THSD7B: variants seen among roughly 807,000 people sequenced by gnomAD.
THSD7B encodes the protein thrombospondin type 1 domain containing 7B, also known as thrombospondin type-1 domain-containing protein 7B.
A neutral mutation model predicts 213.6 loss-of-function variants in THSD7B; 138 were observed. The ratio of observed to expected loss-of-function variants is 0.65; its 90% CI spans 0.56 to 0.74. The LOEUF (loss-of-function observed/expected upper bound fraction) is 0.74. Ranked by LOEUF, THSD7B falls within the 30% of genes least tolerant of loss-of-function variation. The probability of loss-of-function intolerance (pLI) is 0.00; values close to 1 mark genes in which losing one functional copy is unlikely to be tolerated. For missense variants in THSD7B, 1,931 were observed against 1,991.5 expected (o/e 0.97, Z 0.58); for synonymous variants, 742 against 687.0 (o/e 1.08, Z -1.25).
At chr2:137,580,724 A>G (rs1013765356) in intron 17 of THSD7B, among the ~76,000 whole-genome samples, 3 of 152,240 alleles carry the variant, frequency 2.0e-5, no homozygotes, top group Admixed American at 6.5e-5. Context: ...TACAGGAAGC[A>G]TGGTTTCTGG....
At chr2:137,117,034 G>GTGTA (rs1347015451) in intron 5 of THSD7B, among the ~76,000 whole-genome samples, 1 of 152,178 alleles carries the variant, frequency 6.6e-6, no homozygotes, top group Non-Finnish European at 1.5e-5. Flanking sequence ...ATACATAGAT[G>GTGTA]TGTAACACGA....
At chr2:137,145,150 C>T (rs956440800) in intron 5 of THSD7B, among the ~76,000 whole-genome samples, 1 of 151,964 alleles carries the variant, frequency 6.6e-6, no homozygotes, top group Admixed American at 6.6e-5. Context: ...GGAGAAGCTT[C>T]TTTTTTCCAA....
intron 12 of THSD7B, among the ~76,000 whole-genome samples, chr2:137,289,055 A>C (rs1286996841): frequency 1.6e-5 from 2 of 122,794 alleles, no homozygotes; most frequent in Non-Finnish European, 3.6e-5. Flanking sequence ...ATTTTTTGAT[A>C]CTTTTTTACC....
chr2:137,147,748 T>C (rs868761058), intron 5 of THSD7B, among the ~76,000 whole-genome samples: 13 of 152,178 alleles, frequency 8.5e-5, no homozygotes, highest in African/African-American at 2.9e-4. Flanking sequence ...AAAGGGCATC[T>C]TGTGACCAGA....
At chr2:137,237,524 A>G (rs1325822127) in intron 9 of THSD7B, among the ~76,000 whole-genome samples, 3 of 152,202 alleles carry the variant, frequency 2.0e-5, no homozygotes, top group Non-Finnish European at 1.5e-5. Context: ...CACGATACAA[A>G]ATGGAATTCT....
chr2:136,973,563 T>C (rs1047931936), intron 2 of THSD7B, among the ~76,000 whole-genome samples: 2 of 152,238 alleles, frequency 1.3e-5, no homozygotes, highest in Non-Finnish European at 2.9e-5. Context: ...TCTGAGTCTT[T>C]AATATATTCT....
At chr2:136,956,673 T>G (rs906158255) in intron 2 of THSD7B, among the ~76,000 whole-genome samples, 2 of 149,498 alleles carry the variant, frequency 1.3e-5, no homozygotes, top group Non-Finnish European at 1.5e-5. Context: ...TTACTTTAAT[T>G]TTTTTTCTTT....
At chr2:137,625,855 G>A (rs1573751142) in intron 20 of THSD7B, among the ~76,000 whole-genome samples, 2 of 152,244 alleles carry the variant, frequency 1.3e-5, no homozygotes, top group South Asian at 4.1e-4. Context: ...TTCTGTCTGA[G>A]TCCCAAGCTT....
chr2:136,958,445 G>C (rs1685162403), intron 2 of THSD7B, among the ~76,000 whole-genome samples: 1 of 152,148 alleles, frequency 6.6e-6, no homozygotes, highest in African/African-American at 2.4e-5. Flanking sequence ...GTTTAATCCA[G>C]ATATAAAACC....
chr2:136,837,330 C>G (rs1202476859), intron 1 of THSD7B, among the ~76,000 whole-genome samples: 3 of 152,198 alleles, frequency 2.0e-5, no homozygotes, highest in South Asian at 2.1e-4. Context: ...CTCATTCACT[C>G]TGCTCTAGCC....
chr2:137,465,032 A>G (rs1687964835), intron 15 of THSD7B, among the ~76,000 whole-genome samples: 1 of 151,968 alleles, frequency 6.6e-6, no homozygotes, highest in Non-Finnish European at 1.5e-5. Context: ...AGCCCAAAGC[A>G]TGTTCCAATT....
intron 7 of THSD7B, among the ~76,000 whole-genome samples, chr2:137,174,066 C>G (rs909005509): frequency 3.3e-5 from 5 of 152,100 alleles, no homozygotes; most frequent in African/African-American, 1.2e-4. Context: ...AAAAGAAATA[C>G]TTTATTTTTG....
chr2:137,243,172 T>C (rs1435173724), intron 10 of THSD7B, among the ~76,000 whole-genome samples: 2 of 152,188 alleles, frequency 1.3e-5, no homozygotes, highest in Non-Finnish European at 2.9e-5. Context: ...GAGTATATGC[T>C]AAAGTGATCC....
At chr2:137,643,358 A>G (rs1034439897) in intron 21 of THSD7B, among the ~76,000 whole-genome samples, 2 of 152,198 alleles carry the variant, frequency 1.3e-5, no homozygotes, top group African/African-American at 4.8e-5. Context: ...TTGATTATGC[A>G]TTAAGAAATC....
At chr2:137,173,002 T>A (rs1264766764) in intron 7 of THSD7B, among the ~76,000 whole-genome samples, 1 of 152,136 alleles carries the variant, frequency 6.6e-6, no homozygotes, top group Non-Finnish European at 1.5e-5. Context: ...CCTGCTAGGT[T>A]GTCTCAGGAA....
At chr2:136,913,533 G>A (rs1455868047) in intron 2 of THSD7B, among the ~76,000 whole-genome samples, 1 of 152,216 alleles carries the variant, frequency 6.6e-6, no homozygotes, top group Admixed American at 6.5e-5. Context: ...CAGGCCTGGA[G>A]GCCCAGGAGG....
At chr2:136,803,832 G>A (rs756153940) in intron 1 of THSD7B, among the ~76,000 whole-genome samples, 5 of 152,128 alleles carry the variant, frequency 3.3e-5, no homozygotes, top group African/African-American at 1.2e-4. Context: ...CCAAGAACCA[G>A]GAGTGCCAGT....
intron 3 of THSD7B, among the ~76,000 whole-genome samples, chr2:137,086,237 T>C (rs1214337997): frequency 6.6e-6 from 1 of 151,978 alleles, no homozygotes; most frequent in Non-Finnish European, 1.5e-5. Flanking sequence ...TTTGGGAGGC[T>C]GAGGCAGGAG....
intron 12 of THSD7B, among the ~76,000 whole-genome samples, chr2:137,403,742 T>C (rs1016860810): frequency 1.3e-5 from 2 of 152,168 alleles, no homozygotes; most frequent in African/African-American, 4.8e-5. Flanking sequence ...ACATCCATGG[T>C]TAGGAATTAG....
Sources: gnomAD v4.1 joint callset for allele counts (sites outside exome capture counted in the v4.1 genomes callset) on GRCh38, gnomAD v4.1.1 for gene constraint, MANE v1.5 for transcripts, NCBI Gene and HGNC (gene_info 2026-07-23, HGNC 2026-07-21) for gene names.